Variants in PIEZO1 observed in about 807,000 individuals in gnomAD.
The protein encoded by PIEZO1 is piezo-type mechanosensitive ion channel component 1.
In PIEZO1, 296 loss-of-function variants were observed where a neutral mutation model predicts 297.2. The ratio of observed to expected loss-of-function variants is 1.00; its 90% confidence interval spans 0.91 to 1.10. PIEZO1 has a LOEUF of 1.10. Ranked by LOEUF, PIEZO1 falls within the 50% of genes least tolerant of loss-of-function variation. The probability of loss-of-function intolerance (pLI) is 0.00; values close to 1 mark genes in which losing one functional copy is unlikely to be tolerated. For synonymous variants in PIEZO1, 2,427 were observed against 1,507.5 expected (o/e 1.61, Z -14.13); for missense variants, 5,018 against 3,455.5 (o/e 1.45, Z -11.34).
chr16:88,720,619 G>A lies in PIEZO1; in HGVS notation c.5798C>T (p.Ser1933Phe). ...GCCCCCGGCCGCCATCACTCACAGG[G>A]ACAGGCAGAAGCCCTGCAGCCGCCG... ...AGRRLQGFCL[S>F]LAQGTYRPLR... is the part of the protein sequence containing the mutation. The change falls in exon 40 of 51, where the codon TCC becomes TTC. Residue 1933 changes from serine to phenylalanine, a missense_variant. Coordinates refer to ENST00000301015, the MANE Select transcript of PIEZO1 (RefSeq NM_001142864.4). The A allele has an allele frequency of 6.5e-7, 1 of 1,545,392 alleles. No homozygotes were observed. Among genetic ancestry groups the A allele is most frequent in the Non-Finnish European group, 8.7e-7 (1 of 1,145,848 alleles).
At position 88,720,478 on chromosome 16, in the gene PIEZO1, G is replaced by A. The variant is rs1170930181; in HGVS notation, c.5856C>T (p.Thr1952=). Residue 1952 remains threonine, a synonymous_variant, in exon 41 of 51, where the codon ACC becomes ACT. Transcript: ENST00000301015. The stretch of plus-strand genomic sequence containing the variant: ...AGACGTCGGTGGCTGCGCGGTACTT[G>A]GTGTGCAGGATGTCGTGGAAGAAGC... ...LRRFFHDILH[T]KYRAATDVYA... The A allele has an allele frequency of 1.9e-5, 29 of 1,550,336 alleles. No individual in the cohort carries two copies. Among genetic ancestry groups the A allele is most frequent in the Non-Finnish European group, 2.4e-5 (27 of 1,146,954 alleles).
intron 1 of PIEZO1, among the ~76,000 whole-genome samples, chr16:88,777,066 G>A (rs773376398): frequency 6.1e-4 from 93 of 151,968 alleles, no homozygotes; most frequent in South Asian, 6.3e-4. Context: ...TCCGTCTCCC[G>A]GATTCAAGTG....
intron 1 of PIEZO1, among the ~76,000 whole-genome samples, chr16:88,768,837 A>C (rs144863685): frequency 0.011 from 1,717 of 152,342 alleles, 10 homozygotes; most frequent in Non-Finnish European, 0.017. Context: ...CGCGAGCTGC[A>C]GGGCCCAGTC....
intron 1 of PIEZO1, among the ~76,000 whole-genome samples, chr16:88,774,301 G>C (rs1327445797): frequency 2.0e-5 from 3 of 152,250 alleles, no homozygotes; most frequent in Admixed American, 6.5e-5. Flanking sequence ...TGAGGCATGA[G>C]AATCGCTTGA....
intron 2 of PIEZO1, chr16:88,742,718 T>TCCCTCATC: frequency 2.4e-6 from 1 of 420,998 alleles, no homozygotes; most frequent in East Asian, 5.1e-5. Context: ...TGGGGTGTGC[T>TCCCTCATC]CCCTCATCCA....
chr16:88,715,539 GC>G lies in PIEZO1; in HGVS notation c.*65del. The G allele has an allele frequency of 1.4e-6, 2 of 1,468,580 alleles. No homozygotes were observed. The highest frequency in any genetic ancestry group is 2.5e-5 in the South Asian group (2 of 80,096). 91.0% of individuals were successfully genotyped at this position (1,468,580 alleles called of 1,614,324 possible). A position where few individuals can be genotyped will look rare whatever the true frequency, so the allele number is the denominator to read the frequency against. ...CAGTGGCTCCCCCGGCCTGAGGAGT[GC>G]CGCCCCTTGTGGCCACGCTGCCCAG... On this transcript the variant is annotated 3_prime_UTR_variant, in exon 51 of 51. Transcript: ENST00000301015.
chr16:88,761,700 C>T (rs576538952), intron 1 of PIEZO1, among the ~76,000 whole-genome samples: 1 of 152,218 alleles, frequency 6.6e-6, no homozygotes, highest in East Asian at 1.9e-4. Context: ...TCCCCCACAT[C>T]GGGGCCTGGG....
rs557814874 is a variant in PIEZO1 at position 88,773,599 on chromosome 16, G to C, written c.64+11302C>G. Among the ~76,000 whole-genome samples the C allele has an allele frequency of 1.1e-4, 16 of 152,350 alleles. No homozygotes were observed. The South Asian group carries it at 1.9e-3, about 18-fold the overall frequency. On this transcript the variant is annotated intron_variant, in intron 1 of 50. Transcript: ENST00000301015. ...TAGGAACAGGGCCTGACAGGGAAAA[G>C]GCTGACAGGCAGGTCGGGGGACTGG...
At chr16:88,781,331 G>C (rs1217476597) in intron 1 of PIEZO1, among the ~76,000 whole-genome samples, 2 of 152,240 alleles carry the variant, frequency 1.3e-5, no homozygotes, top group African/African-American at 4.8e-5. Flanking sequence ...GCTGGGGCTG[G>C]AGCTCCCTGT....
intron 5 of PIEZO1, 150 bp from the exon 6 acceptor site, chr16:88,738,886 C>A (rs770482492): frequency 4.5e-6 from 3 of 669,884 alleles, no homozygotes; most frequent in Non-Finnish European, 7.6e-6. Context: ...GGCACAGGCC[C>A]CAGCCGTCCC....
rs1209894390 is a variant in PIEZO1, at chr16:88,716,182, C to G, written c.7129+16G>C. The G allele has an allele frequency of 4.6e-6, 7 of 1,511,388 alleles. No individual in the cohort carries two copies. The highest frequency in any genetic ancestry group is 6.2e-6 in the Non-Finnish European group (7 of 1,124,222). The allele number at this position is 1,511,388 out of a possible 1,614,324, so 93.6% of individuals were successfully genotyped here. A position where few individuals can be genotyped will look rare whatever the true frequency, so the allele number is the denominator to read the frequency against. On this transcript the variant is annotated intron_variant, in intron 49 of 50. Coordinates refer to ENST00000301015, the MANE Select transcript of PIEZO1 (RefSeq NM_001142864.4). ...ACCCCTCTCTAGCCTCCCCCAACCCCCACGCCCATACTCACTGGGCTGCAG... is the reference window on the plus strand; with the variant it reads ...ACCCCTCTCTAGCCTCCCCCAACCCGCACGCCCATACTCACTGGGCTGCAG...
rs1306742227 is a variant in PIEZO1 at position 88,723,333 on chromosome 16, C to A, written c.4336-5G>T. On this transcript the variant is annotated splice_polypyrimidine_tract_variant and splice_region_variant and intron_variant, in intron 31 of 50. Coordinates refer to ENST00000301015, the MANE Select transcript of PIEZO1 (RefSeq NM_001142864.4). The stretch of plus-strand genomic sequence containing the variant: ...CACCCATGCCTGGTACGCCAGCTGT[C>A]GGCCAGCCCCCGGGTTAGGACCCGG... The A allele has an allele frequency of 1.3e-6, 2 of 1,537,210 alleles. No individual in the cohort carries two copies. The highest frequency in any genetic ancestry group is 2.4e-5 in the South Asian group (2 of 83,994).
Position 88,771,025 on chromosome 16 carries a change from C to T in PIEZO1, c.64+13876G>A, listed in dbSNP as rs532959702. The stretch of plus-strand genomic sequence containing the variant: ...GGGGCCTGGGCGGAGCAGCTCCACC[C>T]TATCACGTCTTGCTCTGTGTTGCAA... On this transcript the variant is annotated intron_variant, in intron 1 of 50. Transcript: ENST00000301015. Among the ~76,000 whole-genome samples the T allele has an allele frequency of 2.1e-3, 325 of 152,306 alleles. 1 individual carries two copies. The highest frequency in any genetic ancestry group is 3.3e-3 in the Non-Finnish European group (227 of 68,014).
chr16:88,728,417 G>C (rs1162151013), intron 22 of PIEZO1, among the ~76,000 whole-genome samples: 1 of 151,982 alleles, frequency 6.6e-6, no homozygotes, highest in Non-Finnish European at 1.5e-5. Context: ...GGGGAACCCA[G>C]GACATGCTGA....
chr16:88,725,363 G>C, intron 29 of PIEZO1, 53 bp downstream of exon 29: 4 of 1,102,684 alleles, frequency 3.6e-6, no homozygotes, highest in Non-Finnish European at 5.0e-6. Context: ...ACGCCAGCAG[G>C]CACAGACATG....
At chr16:88,763,205 C>T (rs369466209) in intron 1 of PIEZO1, among the ~76,000 whole-genome samples, 4 of 152,134 alleles carry the variant, frequency 2.6e-5, no homozygotes, top group Non-Finnish European at 2.9e-5. Flanking sequence ...CGGCTCCTGG[C>T]GGCTCAGGGC....
At chr16:88,739,079 C>T (rs560941660) in intron 5 of PIEZO1, 10 of 287,112 alleles carry the variant, frequency 3.5e-5, no homozygotes, top group African/African-American at 1.7e-4. Context: ...CTCCCCGAAC[C>T]ACGCACCCAG....
At chr16:88,742,864 G>A (rs1905779580) in intron 2 of PIEZO1, 4 of 356,226 alleles carry the variant, frequency 1.1e-5, no homozygotes, top group Non-Finnish European at 2.3e-5. Context: ...AGCAGCCGTG[G>A]CTGGGGTGGG....
intron 12 of PIEZO1, 40 bp downstream of exon 12, chr16:88,736,108 G>A: frequency 3.3e-6 from 5 of 1,510,484 alleles, no homozygotes; most frequent in Non-Finnish European, 4.4e-6. Flanking sequence ...TGATGGGTCT[G>A]CGCACCCAGG....
Sources: gnomAD v4.1 joint callset for allele counts (sites outside exome capture counted in the v4.1 genomes callset) on GRCh38, gnomAD v4.1.1 for gene constraint, MANE v1.5 for transcripts, NCBI Gene and HGNC (gene_info 2026-07-23, HGNC 2026-07-21) for gene names.